Variants in ATP2B4 observed in about 807,000 individuals in gnomAD.
ATP2B4 encodes ATPase plasma membrane Ca2+ transporting 4.
A neutral mutation model predicts 110.3 loss-of-function variants in ATP2B4; 39 were observed. The observed-to-expected ratio is 0.35, with a 90% CI of 0.27 to 0.46. The LOEUF (loss-of-function observed/expected upper bound fraction) is 0.46, where lower values mean the gene tolerates loss of function less well. ATP2B4 is among the 20% of genes least tolerant of loss of function. The pLI, the probability that ATP2B4 is intolerant of heterozygous loss-of-function variation, is 1.00. For synonymous variants in ATP2B4, 538 were observed against 571.7 expected (o/e 0.94, Z 0.84); for missense variants, 1,135 against 1,530.9 (o/e 0.74, Z 4.32).
intron 14 of ATP2B4, 107 bp downstream of exon 14, chr1:203,713,359 C>G (rs1666067727): frequency 8.3e-7 from 1 of 1,203,228 alleles, no homozygotes; most frequent in African/African-American, 1.5e-5. Context: ...ATAGGGAGGT[C>G]CTAGGAGAGC....
At chr1:203,648,929 C>T (rs1253160795) in intron 1 of ATP2B4, among the ~76,000 whole-genome samples, 1 of 152,156 alleles carries the variant, frequency 6.6e-6, no homozygotes, top group East Asian at 1.9e-4. Flanking sequence ...TATTGTTGAA[C>T]ATGCCACTTA....
At chr1:203,738,457 C>CT (rs1666923179) in intron 20 of ATP2B4, among the ~76,000 whole-genome samples, 2 of 152,182 alleles carry the variant, frequency 1.3e-5, no homozygotes, top group Admixed American at 1.3e-4. Flanking sequence ...GAATCCCTTC[C>CT]TTTTTGCGCA....
rs994036718 is a variant in ATP2B4 at position 203,740,036 on chromosome 1, T to G, written c.*182T>G. ...GCACAGACTTACAAGGATTTCAACTTAAGCTTGACTTGGGGTTTGTAGCGG... is the reference window on the plus strand; with the variant it reads ...GCACAGACTTACAAGGATTTCAACTGAAGCTTGACTTGGGGTTTGTAGCGG... On this transcript the variant is annotated 3_prime_UTR_variant, in exon 21 of 21. Transcript: ENST00000357681. 2 of 702,196 alleles carry G rather than the reference T, an allele frequency of 2.8e-6. No individual in the cohort carries two copies. The highest frequency in any genetic ancestry group is 3.2e-5 in the Admixed American group (1 of 31,652). 43.5% of individuals were successfully genotyped at this position (702,196 alleles called of 1,614,324 possible). A position where few individuals can be genotyped will look rare whatever the true frequency, so the allele number is the denominator to read the frequency against.
At chr1:203,637,362 G>T (rs1970962) in intron 1 of ATP2B4, among the ~76,000 whole-genome samples, 20 of 150,422 alleles carry the variant, frequency 1.3e-4, no homozygotes, top group African/African-American at 4.2e-4. Flanking sequence ...ACCCCCGGGG[G>T]GGGGCGGAGC....
chr1:203,717,935 C>T (rs991128420), intron 15 of ATP2B4, among the ~76,000 whole-genome samples: 4 of 152,040 alleles, frequency 2.6e-5, no homozygotes, highest in African/African-American at 4.8e-5. Flanking sequence ...TGAGCCACCG[C>T]GCCCGGCCTG....
chr1:203,707,709 G>A (rs564306527), intron 9 of ATP2B4, among the ~76,000 whole-genome samples, 153 bp from the exon 10 acceptor site: 78 of 152,296 alleles, frequency 5.1e-4, no homozygotes, highest in Non-Finnish European at 8.8e-4. Flanking sequence ...GAAATTACAG[G>A]CATGAATCAC....
At chr1:203,687,338 C>T (rs528066601) in intron 2 of ATP2B4, among the ~76,000 whole-genome samples, 1 of 151,954 alleles carries the variant, frequency 6.6e-6, no homozygotes, top group Non-Finnish European at 1.5e-5. Flanking sequence ...ACAGCTAAGA[C>T]ATAGGAGTAT....
At chr1:203,691,648 G>T (rs186801643) in intron 2 of ATP2B4, among the ~76,000 whole-genome samples, 3 of 152,216 alleles carry the variant, frequency 2.0e-5, no homozygotes, top group Non-Finnish European at 4.4e-5. Flanking sequence ...CTGTGACCTT[G>T]AATCAACTGC....
chr1:203,640,157 G>A (rs865816498), intron 1 of ATP2B4, among the ~76,000 whole-genome samples: 2 of 151,908 alleles, frequency 1.3e-5, no homozygotes, highest in African/African-American at 2.4e-5. Flanking sequence ...TTATTATTCC[G>A]GTGACCCCCT....
Position 203,721,191 on chromosome 1 carries a change from C to T in ATP2B4, c.2599-6C>T, listed in dbSNP as rs756096429. On this transcript the variant is annotated splice_polypyrimidine_tract_variant and splice_region_variant and intron_variant, in intron 16 of 20. Coordinates refer to ENST00000357681, the MANE Select transcript of ATP2B4 (RefSeq NM_001684.5). ...AGCTAAAAGGACTGGTTCTTCTCCC[C>T]GCCAGGATTCCCCATTGAAAGCTGT... is the stretch of plus-strand genomic sequence containing the variant. The T allele has an allele frequency of 8.7e-6, 14 of 1,613,720 alleles. No individual in the cohort carries two copies. Among genetic ancestry groups the T allele is most frequent in the African/African-American group, 8.0e-5 (6 of 74,908 alleles).
chr1:203,733,089 G>C, intron 20 of ATP2B4: 1 of 725,302 alleles, frequency 1.4e-6, no homozygotes, highest in Non-Finnish European at 2.1e-6. Flanking sequence ...GCTCTCTCTT[G>C]CTCTCTCCTG....
rs1666998318 is a variant in ATP2B4, at chr1:203,741,619, C to G, written c.*1765C>G. The G allele has an allele frequency of 6.6e-6, 1 of 152,250 alleles. No homozygotes were observed. Among genetic ancestry groups the G allele is most frequent in the African/African-American group, 2.4e-5 (1 of 41,434 alleles). 9.4% of individuals were successfully genotyped at this position (152,250 alleles called of 1,614,324 possible). A position where few individuals can be genotyped will look rare whatever the true frequency, so the allele number is the denominator to read the frequency against. On this transcript the variant is annotated 3_prime_UTR_variant, in exon 21 of 21. Transcript: ENST00000357681. ...GAGGAAGATGACCTGATCCACCTAG[C>G]CTTTTCTTCTGGATCTGTCCTCCCT...
At chr1:203,635,627 G>A (rs906110943) in intron 1 of ATP2B4, among the ~76,000 whole-genome samples, 1 of 152,106 alleles carries the variant, frequency 6.6e-6, no homozygotes, top group Non-Finnish European at 1.5e-5. Flanking sequence ...ACTCCAGCCT[G>A]TTGACAGAGT....
intron 1 of ATP2B4, among the ~76,000 whole-genome samples, chr1:203,677,112 T>C (rs1336827299): frequency 6.6e-6 from 1 of 152,066 alleles, no homozygotes; most frequent in Non-Finnish European, 1.5e-5. Flanking sequence ...GAATCTATAT[T>C]TCCCTGCTAT....
Position 203,711,066 on chromosome 1 carries a change from C to A in ATP2B4, c.1989C>A (p.Thr663=). The A allele has an allele frequency of 6.2e-7, 1 of 1,614,152 alleles. No homozygotes were observed. The highest frequency in any genetic ancestry group is 8.5e-7 in the Non-Finnish European group (1 of 1,180,020). The change falls in exon 12 of 21, where the codon ACC becomes ACA. Residue 663 remains threonine (T), a synonymous_variant. Transcript: ENST00000357681. ...DNENEILTEL[T]CIAVVGIEDP... ...AGAATGAGATCCTCACCGAACTGACCTGTATCGCGGTGGTGGGCATTGAGG... is the reference window on the plus strand; with the variant it reads ...AGAATGAGATCCTCACCGAACTGACATGTATCGCGGTGGTGGGCATTGAGG...
chr1:203,652,144 CT>C (rs112114077), intron 1 of ATP2B4, among the ~76,000 whole-genome samples: 119,922 of 126,234 alleles, frequency 0.95, 57,248 homozygotes, highest in Middle Eastern at 1. Context: ...GCAACTTCTT[CT>C]TTTTTTTTTT....
chr1:203,661,990 T>C (rs2102333106), intron 1 of ATP2B4, among the ~76,000 whole-genome samples: 1 of 152,290 alleles, frequency 6.6e-6, no homozygotes, highest in East Asian at 1.9e-4. Flanking sequence ...TTATTTATTT[T>C]ACTGTGATAA....
At position 203,686,685 on chromosome 1, in the gene ATP2B4, CTT is replaced by C. The variant is rs779048789; in HGVS notation, c.193+3312_193+3313del. On this transcript the variant is annotated intron_variant, in intron 2 of 20. Coordinates refer to ENST00000357681, the MANE Select transcript of ATP2B4 (RefSeq NM_001684.5). ...CCTGGTGTTTTTCTTTCTTTTCTTT[CTT>C]TTTTTTTTTTTTTTTTTTTTTTTTA... 1.4e-3 allele frequency among the ~76,000 whole-genome samples: 62 copies of C among 42,782 alleles called. 1 individual carries two copies. The highest frequency in any genetic ancestry group is 0.019 in the Middle Eastern group (1 of 52). 28.1% of individuals were successfully genotyped at this position (42,782 alleles called of 152,430 possible).
At chr1:203,655,134 G>A (rs1664119066) in intron 1 of ATP2B4, among the ~76,000 whole-genome samples, 1 of 152,132 alleles carries the variant, frequency 6.6e-6, no homozygotes, top group Non-Finnish European at 1.5e-5. Context: ...AACAAATGAG[G>A]AGTTGCTTTT....
Sources: gnomAD v4.1 joint callset for allele counts (sites outside exome capture counted in the v4.1 genomes callset) on GRCh38, gnomAD v4.1.1 for gene constraint, MANE v1.5 for transcripts, NCBI Gene and HGNC (gene_info 2026-07-23, HGNC 2026-07-21) for gene names.